ZFYVE28: variants seen among roughly 807,000 people sequenced by gnomAD.
ZFYVE28 encodes zinc finger FYVE-type containing 28, also known as lateral signaling target protein 2 homolog.
Under a neutral mutation model 82.1 loss-of-function variants are expected in ZFYVE28, and 40 were observed. The observed-to-expected ratio is 0.49, with a 90% CI of 0.38 to 0.63. The LOEUF (loss-of-function observed/expected upper bound fraction) is 0.63, where lower values mean the gene tolerates loss of function less well. ZFYVE28 is among the 30% of genes least tolerant of loss of function. The pLI, the probability that ZFYVE28 is intolerant of heterozygous loss-of-function variation, is 0.00. For synonymous variants in ZFYVE28, 612 were observed against 546.1 expected (o/e 1.12, Z -1.68); for missense variants, 1,321 against 1,242.1 (o/e 1.06, Z -0.96).
chr4:2,377,809 A>C (rs999267347), intron 1 of ZFYVE28, among the ~76,000 whole-genome samples: 3 of 152,206 alleles, frequency 2.0e-5, no homozygotes, highest in African/African-American at 4.8e-5. Context: ...AACGATGTGA[A>C]TATGTTCTCA....
chr4:2,389,990 C>T (rs7440949), intron 1 of ZFYVE28, among the ~76,000 whole-genome samples: 5,622 of 152,254 alleles, frequency 0.037, 316 homozygotes, highest in African/African-American at 0.12. Context: ...GGTTGAATGG[C>T]GGCCCCCCGA....
chr4:2,307,958 C>T (rs570090353), intron 7 of ZFYVE28, among the ~76,000 whole-genome samples: 3 of 152,308 alleles, frequency 2.0e-5, no homozygotes, highest in Admixed American at 6.5e-5. Flanking sequence ...AACAACCATT[C>T]CCGCTGTTCT....
intron 1 of ZFYVE28, among the ~76,000 whole-genome samples, chr4:2,407,236 G>A (rs959205193): frequency 2.0e-5 from 3 of 151,992 alleles, no homozygotes; most frequent in Admixed American, 6.6e-5. Flanking sequence ...TTTTGTCTTC[G>A]TCTAAAACTG....
intron 2 of ZFYVE28, among the ~76,000 whole-genome samples, chr4:2,344,164 A>G (rs1325899410): frequency 6.6e-6 from 1 of 152,258 alleles, no homozygotes; most frequent in Admixed American, 6.5e-5. Flanking sequence ...CAAGGCAGTT[A>G]GGATTCAGAG....
At chr4:2,370,484 T>C (rs1394347055) in intron 1 of ZFYVE28, among the ~76,000 whole-genome samples, 1 of 152,096 alleles carries the variant, frequency 6.6e-6, no homozygotes, top group Admixed American at 6.5e-5. Flanking sequence ...CCAGTGCCTC[T>C]AAGAATAGCC....
At chr4:2,356,356 C>T (rs377590755) in intron 1 of ZFYVE28, among the ~76,000 whole-genome samples, 23 of 152,044 alleles carry the variant, frequency 1.5e-4, no homozygotes, top group African/African-American at 5.1e-4. Flanking sequence ...TGCTAGGAGC[C>T]GATCTGGACC....
rs537280916 is a variant in ZFYVE28 at position 2,317,231 on chromosome 4, G to T, written c.803+2939C>A. ...TCAAACTCCTGACCTCAGGTGATCCGCCCACCTTGGCCTCCCAAAGTGCTG... is the reference window on the plus strand; with the variant it reads ...TCAAACTCCTGACCTCAGGTGATCCTCCCACCTTGGCCTCCCAAAGTGCTG... On this transcript the variant is annotated intron_variant, in intron 7 of 12. Transcript: ENST00000290974. Among the ~76,000 whole-genome samples, 8 of 150,668 alleles carry T rather than the reference G, an allele frequency of 5.3e-5. No individual in the cohort carries two copies. In the East Asian group the frequency reaches 1.4e-3, roughly 26 times the overall value.
At chr4:2,285,084 G>T (rs550606842) in intron 8 of ZFYVE28, among the ~76,000 whole-genome samples, 2 of 152,246 alleles carry the variant, frequency 1.3e-5, no homozygotes, top group Non-Finnish European at 2.9e-5. Context: ...CTTGACTGGT[G>T]TCCTTACCCA....
intron 4 of ZFYVE28, among the ~76,000 whole-genome samples, chr4:2,338,849 C>G (rs3118616): frequency 0.63 from 95,183 of 151,962 alleles, 30,337 homozygotes; most frequent in Admixed American, 0.71. Context: ...TTTTGAGATG[C>G]AGTCTCGCTC....
At chr4:2,386,655 G>T (rs925128662) in intron 1 of ZFYVE28, among the ~76,000 whole-genome samples, 1 of 152,186 alleles carries the variant, frequency 6.6e-6, no homozygotes, top group African/African-American at 2.4e-5. Context: ...GACGCCTGGG[G>T]TCTCCAGAGT....
At chr4:2,314,148 T>C (rs746273160) in intron 7 of ZFYVE28, among the ~76,000 whole-genome samples, 2 of 152,260 alleles carry the variant, frequency 1.3e-5, no homozygotes, top group Non-Finnish European at 2.9e-5. Flanking sequence ...TTTATCAGCA[T>C]GAAATATTTC....
Position 2,274,570 on chromosome 4 carries a change from A to C in ZFYVE28, c.2052-354T>G, listed in dbSNP as rs113788238. 5.6e-3 allele frequency among the ~76,000 whole-genome samples: 846 copies of C among 151,792 alleles called. 1 individual carries two copies. Among genetic ancestry groups the C allele is most frequent in the Non-Finnish European group, 9.9e-3 (675 of 67,900 alleles). ...GAAGCGTCAACTCACCTTTCACACC[A>C]TTTCTAATGGCCTGAGTGTCAGGCA... On this transcript the variant is annotated intron_variant, in intron 8 of 12. Coordinates refer to ENST00000290974, the MANE Select transcript of ZFYVE28 (RefSeq NM_020972.3).
chr4:2,358,393 G>A (rs750527249), intron 1 of ZFYVE28, among the ~76,000 whole-genome samples: 9 of 152,182 alleles, frequency 5.9e-5, no homozygotes, highest in South Asian at 2.1e-4. Flanking sequence ...AGAAACGGGC[G>A]CTCATCACCA....
rs1377185937 is a variant in ZFYVE28, at chr4:2,372,162, TGC to T, written c.40-18091_40-18090del. Reference sequence around the variant, plus strand: ...CGGGGAGGAGGGCAAATGTTTTGTTTGCTGTTACCTATTCCCGTGACCAACAG... The same window carrying T: ...CGGGGAGGAGGGCAAATGTTTTGTTTTGTTACCTATTCCCGTGACCAACAG... On this transcript the variant is annotated intron_variant, in intron 1 of 12. Transcript: ENST00000290974. This position sits in a 1 kb window ranked among gnomAD's most constrained non-coding sequence, Gnocchi z 5.2. Among the ~76,000 whole-genome samples the T allele has an allele frequency of 9.5e-4, 145 of 152,250 alleles. 2 individuals are homozygous for T. Among genetic ancestry groups the T allele is most frequent in the Admixed American group, 2.9e-3 (45 of 15,294 alleles).
At chr4:2,399,378 G>A (rs1162309709) in intron 1 of ZFYVE28, among the ~76,000 whole-genome samples, 1 of 152,144 alleles carries the variant, frequency 6.6e-6, no homozygotes, top group African/African-American at 2.4e-5. Flanking sequence ...CCTCTTTGCG[G>A]AGCTGGGCTG....
At chr4:2,392,762 C>T (rs1056037101) in intron 1 of ZFYVE28, among the ~76,000 whole-genome samples, 2 of 152,154 alleles carry the variant, frequency 1.3e-5, no homozygotes, top group Non-Finnish European at 2.9e-5. Flanking sequence ...ACATTACGTT[C>T]TCTTCATTCT....
chr4:2,416,658 CAGG>C lies in ZFYVE28; in HGVS notation c.39+1624_39+1626del, dbSNP rs1352843760. Among the ~76,000 whole-genome samples, 1 of 152,196 alleles carries C rather than the reference CAGG, an allele frequency of 6.6e-6. No individual in the cohort carries two copies. The highest frequency in any genetic ancestry group is 2.1e-4 in the South Asian group (1 of 4,832). On this transcript the variant is annotated intron_variant, in intron 1 of 12. Transcript: ENST00000290974. The surrounding 1 kb of genome is among the most constrained non-coding windows in gnomAD (Gnocchi z 4.6). ...GACCGAGAGGGGCTCGAAGGCGCCG[CAGG>C]AGGAGAGGCTGGGCGCAGACGGCTC... is the stretch of plus-strand genomic sequence containing the variant.
chr4:2,304,211 A>G (rs1716113255), intron 8 of ZFYVE28, 78 bp downstream of exon 8: 1 of 1,485,076 alleles, frequency 6.7e-7, no homozygotes, highest in Non-Finnish European at 8.9e-7. Context: ...AAACACTGCA[A>G]TGCTTGGAGA....
chr4:2,364,976 G>C (rs904552278), intron 1 of ZFYVE28: 2 of 877,192 alleles, frequency 2.3e-6, no homozygotes, highest in African/African-American at 3.6e-5. Context: ...GGGGTGTCCC[G>C]GGCGCACGCG....
Sources: allele counts gnomAD v4.1 joint callset (sites outside exome capture counted in the v4.1 genomes callset), GRCh38; gene constraint gnomAD v4.1.1; non-coding constraint Gnocchi (gnomAD v3.1); transcripts MANE v1.5; gene names NCBI Gene and HGNC (gene_info 2026-07-23, HGNC 2026-07-21).